Variants in RARB observed in about 807,000 individuals in gnomAD.
The protein encoded by RARB is HBV-activated protein.
In RARB, 17 loss-of-function variants were observed where a neutral mutation model predicts 51.9. The observed-to-expected ratio is 0.33, with a 90% CI of 0.22 to 0.49. The LOEUF is 0.49. RARB is among the 20% of genes least tolerant of loss of function. RARB has a pLI of 0.99. For missense variants in RARB, 369 were observed against 550.8 expected, an observed-to-expected ratio of 0.67 and a Z score of 3.30; for synonymous variants, 215 against 195.4, an observed-to-expected ratio of 1.10 and a Z score of -0.84.
intron 2 of RARB, among the ~76,000 whole-genome samples, chr3:24,980,253 G>C (rs77641065): frequency 6.6e-6 from 1 of 151,980 alleles, no homozygotes; most frequent in African/African-American, 2.4e-5. Context: ...GTGTCTTCGG[G>C]TTGCTCTTCT....
chr3:25,579,615 G>A (rs975631041), intron 4 of RARB, among the ~76,000 whole-genome samples: 4 of 152,192 alleles, frequency 2.6e-5, no homozygotes, highest in Non-Finnish European at 5.9e-5. Context: ...CCACCCATCA[G>A]TTAATGAGCA....
intron 3 of RARB, among the ~76,000 whole-genome samples, chr3:25,122,539 G>T (rs1202793230): frequency 6.6e-6 from 1 of 152,120 alleles, no homozygotes; most frequent in African/African-American, 2.4e-5. Flanking sequence ...GCTTGTGGGT[G>T]TGTCCATGCT....
At chr3:25,156,055 A>G (rs1394804482) in intron 4 of RARB, among the ~76,000 whole-genome samples, 3 of 152,182 alleles carry the variant, frequency 2.0e-5, no homozygotes, top group Admixed American at 1.3e-4. Context: ...TTCGACTTGT[A>G]TCACCATTTG....
At chr3:25,361,297 C>T (rs533969522) in intron 5 of RARB, among the ~76,000 whole-genome samples, 77 of 152,290 alleles carry the variant, frequency 5.1e-4, no homozygotes, top group African/African-American at 1.8e-3. Context: ...GTATGCTTCA[C>T]AAAGTTCTTG....
rs376595217 is a variant in RARB, at chr3:25,102,527, A to G, written c.-327-29634A>G. Among the ~76,000 whole-genome samples, 11 of 152,152 alleles carry G rather than the reference A, an allele frequency of 7.2e-5. 1 individual carries two copies. Among genetic ancestry groups the G allele is most frequent in the African/African-American group, 2.6e-4 (11 of 41,540 alleles). On this transcript the variant is annotated intron_variant, in intron 3 of 11. Transcript: ENST00000383772. ...TGCACTCCAGCCTGGACGACAGAAT[A>G]AGACTCTGTCTCAAAAAAAAATGAA...
At chr3:24,839,164 G>A (rs1011787617) in intron 1 of RARB, among the ~76,000 whole-genome samples, 11 of 152,230 alleles carry the variant, frequency 7.2e-5, no homozygotes, top group African/African-American at 2.6e-4. Context: ...AGACTAGGAA[G>A]TTCGTGGCTT....
intron 2 of RARB, among the ~76,000 whole-genome samples, chr3:25,490,861 T>G (rs1245740932): frequency 6.6e-6 from 1 of 152,150 alleles, no homozygotes; most frequent in African/African-American, 2.4e-5. Context: ...ACAGATGTCT[T>G]TAGTTGGTTC....
chr3:25,508,127 A>G (rs977899029), intron 3 of RARB, among the ~76,000 whole-genome samples: 1 of 152,138 alleles, frequency 6.6e-6, no homozygotes, highest in Non-Finnish European at 1.5e-5. Context: ...TTTTTTTCCT[A>G]TGACAGTTTC....
intron 5 of RARB, among the ~76,000 whole-genome samples, chr3:25,350,062 G>T (rs1459689793): frequency 4.6e-5 from 7 of 152,084 alleles, no homozygotes; most frequent in African/African-American, 1.7e-4. Flanking sequence ...CTTACAAGGT[G>T]CCTGGCTGTA....
intron 3 of RARB, among the ~76,000 whole-genome samples, chr3:25,109,823 C>A (rs138748248): frequency 1.3e-5 from 2 of 152,146 alleles, no homozygotes; most frequent in Non-Finnish European, 2.9e-5. Flanking sequence ...TTTTCCAACA[C>A]TCTCAGAAAC....
At chr3:25,140,400 T>G (rs1284329852) in intron 4 of RARB, among the ~76,000 whole-genome samples, 4 of 152,196 alleles carry the variant, frequency 2.6e-5, no homozygotes, top group Non-Finnish European at 5.9e-5. Flanking sequence ...TTCAAAACTC[T>G]ACTGGATGAA....
chr3:25,578,353 G>A lies in RARB; in HGVS notation c.610-2193G>A, dbSNP rs58905534. On this transcript the variant is annotated intron_variant, in intron 4 of 7. Transcript: ENST00000330688. ...AGTTAGATTTACATGCCGTTAAGACGGCTGTGCATTATTTTTAATAGAAGG... is the reference window on the plus strand; with the variant it reads ...AGTTAGATTTACATGCCGTTAAGACAGCTGTGCATTATTTTTAATAGAAGG... 5.2e-3 allele frequency among the ~76,000 whole-genome samples: 798 copies of A among 152,314 alleles called. 13 individuals are homozygous for A. Among genetic ancestry groups the A allele is most frequent in the African/African-American group, 0.019 (770 of 41,560 alleles).
chr3:25,096,209 T>C (rs753346975), intron 3 of RARB, among the ~76,000 whole-genome samples: 2 of 152,190 alleles, frequency 1.3e-5, no homozygotes, highest in Non-Finnish European at 2.9e-5. Context: ...AGTAGCTACT[T>C]GGGTTAGGTT....
intron 2 of RARB, among the ~76,000 whole-genome samples, chr3:25,494,364 T>C (rs1696917911): frequency 6.6e-6 from 1 of 151,988 alleles, no homozygotes; most frequent in South Asian, 2.1e-4. Flanking sequence ...TTACCCATAA[T>C]ATTCTTGGGG....
chr3:25,496,750 G>T (rs1168927593), intron 2 of RARB, among the ~76,000 whole-genome samples: 2 of 152,230 alleles, frequency 1.3e-5, no homozygotes, highest in Non-Finnish European at 2.9e-5. Context: ...GTCAGAGAAG[G>T]CTTCCTGGCC....
chr3:24,907,859 A>G (rs1398151468), intron 2 of RARB, among the ~76,000 whole-genome samples: 1 of 152,136 alleles, frequency 6.6e-6, no homozygotes. Context: ...ATAGGGATCT[A>G]GTAAGCAATA....
chr3:25,032,427 A>T (rs1697894906), intron 2 of RARB, among the ~76,000 whole-genome samples: 1 of 152,228 alleles, frequency 6.6e-6, no homozygotes, highest in Non-Finnish European at 1.5e-5. Context: ...CATAAATGCT[A>T]AGTATCCCTT....
rs1706369753 is a variant in RARB, at chr3:25,373,609, C to T, written c.179-87584C>T. ...GTCTGTAGGTCAGTCACCCAATGTT[C>T]TACAGCACTTAAATAATTAATTGCT... On this transcript the variant is annotated intron_variant, in intron 5 of 11. Coordinates refer to the RARB transcript ENST00000383772. 2.0e-5 allele frequency among the ~76,000 whole-genome samples: 3 copies of T among 152,290 alleles called. No homozygotes were observed. In the South Asian group the frequency reaches 6.2e-4, roughly 32 times the overall value.
intron 2 of RARB, among the ~76,000 whole-genome samples, chr3:24,913,422 G>A (rs1424326003): frequency 3.9e-5 from 2 of 50,950 alleles, no homozygotes; most frequent in African/African-American, 1.5e-4. Flanking sequence ...TTTTTTTTTT[G>A]GTCAGAGATC....
Sources: allele counts gnomAD v4.1 joint callset (sites outside exome capture counted in the v4.1 genomes callset), GRCh38; gene constraint gnomAD v4.1.1; transcripts MANE v1.5; gene names NCBI Gene and HGNC (gene_info 2026-07-23, HGNC 2026-07-21).